The following TRHDE variants were observed in gnomAD, a reference collection of about 807,000 sequenced individuals.
The protein encoded by TRHDE is thyrotropin releasing hormone degrading enzyme.
TRHDE carries 72 observed loss-of-function variants against 125.7 expected under a neutral mutation model. The observed-to-expected ratio is 0.57, with a 90% confidence interval of 0.47 to 0.70. The LOEUF (loss-of-function observed/expected upper bound fraction) is 0.70. TRHDE is among the 30% of genes least tolerant of loss of function. The pLI, the probability that TRHDE is intolerant of heterozygous loss-of-function variation, is 0.00. For synonymous variants in TRHDE, 509 were observed against 509.1 expected (o/e 1.00, Z 0.00); for missense variants, 1,110 against 1,327.1 (o/e 0.84, Z 2.54).
chr12:72,328,552 G>T (rs1869443161), intron 2 of TRHDE, among the ~76,000 whole-genome samples: 1 of 151,932 alleles, frequency 6.6e-6, no homozygotes, highest in Non-Finnish European at 1.5e-5. Flanking sequence ...ATGATTGGGG[G>T]CCTTTGTGGG....
At chr12:72,553,849 CTTT>C (rs56187409) in intron 7 of TRHDE, among the ~76,000 whole-genome samples, 4 of 133,784 alleles carry the variant, frequency 3.0e-5, no homozygotes, top group African/African-American at 8.2e-5. Context: ...TCTTTTCCTT[CTTT>C]TTTTTTTTTT....
chr12:72,573,554 A>G (rs1169241111), intron 10 of TRHDE, among the ~76,000 whole-genome samples: 4 of 151,964 alleles, frequency 2.6e-5, no homozygotes, highest in African/African-American at 9.7e-5. Context: ...TCAGGTTACA[A>G]GTAAGGAAAT....
In TRHDE at chr12:72,309,379, A is replaced by G. The variant is rs572524676; in HGVS notation, c.1188+22425A>G. Reference sequence around the variant, plus strand: ...TTTGCATGTGTTATGTGCTGAATAGAAAAAGCAGTGGAAAGGGAGATTTTG... The same window carrying G: ...TTTGCATGTGTTATGTGCTGAATAGGAAAAGCAGTGGAAAGGGAGATTTTG... On this transcript the variant is annotated intron_variant, in intron 2 of 18. Transcript: ENST00000261180. Among the ~76,000 whole-genome samples the G allele has an allele frequency of 3.3e-4, 51 of 152,316 alleles. 1 individual carries two copies. Among genetic ancestry groups the G allele is most frequent in the Middle Eastern group, 3.4e-3 (1 of 294 alleles).
chr12:72,522,090 T>C (rs1399010938), intron 6 of TRHDE, among the ~76,000 whole-genome samples: 1 of 152,208 alleles, frequency 6.6e-6, no homozygotes, highest in African/African-American at 2.4e-5. Flanking sequence ...TTACTACTCT[T>C]TCCATCTCCA....
chr12:72,377,999 G>T lies in TRHDE; in HGVS notation c.1193G>T (p.Arg398Leu). 2 of 1,577,140 alleles carry T rather than the reference G, an allele frequency of 1.3e-6. No individual in the cohort carries two copies. Among genetic ancestry groups the T allele is most frequent in the Admixed American group, 1.9e-5 (1 of 51,538 alleles). The change falls in exon 3 of 19, where the codon CGA becomes CTA. Residue 398 changes from arginine (R) to leucine (L), a missense_variant. Transcript: ENST00000261180. ...TTTATATATATTTTTAATTAGGTAC[G>T]ATTATATGCAAGACCTGATGCTATC... Reference protein sequence around the residue: ...ETTTKSGVVVRLYARPDAIRR... With the variant: ...ETTTKSGVVVLLYARPDAIRR...
At position 72,670,201 on chromosome 12, in the gene TRHDE, A is replaced by G. The variant is rs748447028; in HGVS notation, c.*7006A>G. The stretch of plus-strand genomic sequence containing the variant: ...TTTTATGATTTAGGAATTAAAAAGT[A>G]GCTGTTCTTTCAGTAAATAAGTGTT... On this transcript the variant is annotated 3_prime_UTR_variant, in exon 19 of 19. Coordinates refer to ENST00000261180, the MANE Select transcript of TRHDE (RefSeq NM_013381.3). The G allele has an allele frequency of 2.0e-5, 3 of 151,856 alleles. No individual in the cohort carries two copies. The highest frequency in any genetic ancestry group is 4.4e-5 in the Non-Finnish European group (3 of 67,850). The allele number at this position is 151,856 out of a possible 1,614,324, so 9.4% of individuals were successfully genotyped here.
chr12:72,559,112 T>G (rs769750489), intron 7 of TRHDE, among the ~76,000 whole-genome samples: 4 of 152,216 alleles, frequency 2.6e-5, no homozygotes, highest in Non-Finnish European at 5.9e-5. Flanking sequence ...GGTTTTCATG[T>G]GCTGTGCTCT....
chr12:72,536,849 C>A (rs1425579501), intron 6 of TRHDE, among the ~76,000 whole-genome samples: 2 of 152,080 alleles, frequency 1.3e-5, no homozygotes, highest in African/African-American at 4.8e-5. Flanking sequence ...GGCATTTCAA[C>A]TATGTCCCAT....
chr12:72,456,019 A>G (rs1875825544), intron 3 of TRHDE, among the ~76,000 whole-genome samples: 1 of 151,510 alleles, frequency 6.6e-6, no homozygotes, highest in African/African-American at 2.4e-5. Context: ...ACACACATAT[A>G]TTTTGATTTC....
At chr12:72,341,579 T>C (rs1034467601) in intron 2 of TRHDE, among the ~76,000 whole-genome samples, 5 of 152,150 alleles carry the variant, frequency 3.3e-5, no homozygotes, top group Admixed American at 6.6e-5. Context: ...ATAGTGTTGT[T>C]ATCAGATGTT....
At chr12:72,471,474 T>C (rs1012829943) in intron 4 of TRHDE, among the ~76,000 whole-genome samples, 1 of 152,236 alleles carries the variant, frequency 6.6e-6, no homozygotes, top group African/African-American at 2.4e-5. Context: ...TGGATTTCAT[T>C]TGTTTCATAT....
At chr12:72,142,131 G>A (rs541505956) in intron 2 of TRHDE, among the ~76,000 whole-genome samples, 8 of 151,822 alleles carry the variant, frequency 5.3e-5, no homozygotes, top group East Asian at 3.9e-4. Flanking sequence ...TAAACACACC[G>A]TGCCTGCTCA....
At chr12:72,338,968 A>G (rs1869957371) in intron 2 of TRHDE, among the ~76,000 whole-genome samples, 1 of 152,202 alleles carries the variant, frequency 6.6e-6, no homozygotes, top group Admixed American at 6.6e-5. Context: ...AAGTAAACCA[A>G]TTCAGTTTAT....
Position 72,273,097 on chromosome 12 carries a change from T to A in TRHDE, c.454T>A (p.Trp152Arg). The change falls in exon 1 of 19, where the codon TGG (tryptophan) becomes AGG (arginine). Residue 152 changes from tryptophan to arginine, a missense_variant. Physicochemically the swap from Trp to Arg is moderately radical, Grantham distance 101. Transcript: ENST00000261180. The surrounding 1 kb of genome is among the most constrained non-coding windows in gnomAD (Gnocchi z 5.3). ...RRNHHAGGDS[W>R]QPEAGGVASP... ...CAACCACCACGCAGGCGGGGACTCC[T>A]GGCAGCCCGAGGCGGGTGGGGTGGC... 1 of 1,525,620 alleles carries A rather than the reference T, an allele frequency of 6.6e-7. No individual in the cohort carries two copies. Among genetic ancestry groups the A allele is most frequent in the Non-Finnish European group, 8.8e-7 (1 of 1,138,650 alleles). The allele number at this position is 1,525,620 out of a possible 1,614,324, so 94.5% of individuals were successfully genotyped here.
intron 5 of TRHDE, among the ~76,000 whole-genome samples, chr12:72,480,907 T>C (rs1306569618): frequency 6.6e-6 from 1 of 152,106 alleles, no homozygotes; most frequent in Admixed American, 6.6e-5. Flanking sequence ...ATAGTGGCCA[T>C]AGCATATTAG....
Position 72,574,562 on chromosome 12 carries a change from A to G in TRHDE, c.2132-693A>G, listed in dbSNP as rs577731680. Among the ~76,000 whole-genome samples, 3 of 152,212 alleles carry G rather than the reference A, an allele frequency of 2.0e-5. No homozygotes were observed. In the East Asian group the frequency reaches 5.8e-4, roughly 29 times the overall value. On this transcript the variant is annotated intron_variant, in intron 10 of 18. Transcript: ENST00000261180. Reference sequence around the variant, plus strand: ...TGTACTATTTTTGAAGGAGTTAAATATGTAAGAAGTTATAATATTGTTTTT... The same window carrying G: ...TGTACTATTTTTGAAGGAGTTAAATGTGTAAGAAGTTATAATATTGTTTTT...
At chr12:72,101,131 C>G (rs1046515056) in intron 1 of TRHDE, among the ~76,000 whole-genome samples, 5 of 152,158 alleles carry the variant, frequency 3.3e-5, no homozygotes, top group African/African-American at 9.7e-5. Flanking sequence ...ATCACAGCAT[C>G]TAGAAGCCTA....
intron 1 of TRHDE, among the ~76,000 whole-genome samples, chr12:72,089,980 G>T (rs903726113): frequency 6.6e-6 from 1 of 152,160 alleles, no homozygotes; most frequent in Admixed American, 6.6e-5. Flanking sequence ...ATTATGCTAA[G>T]TACTCCATTA....
chr12:72,517,153 C>A (rs1211645897), intron 6 of TRHDE, among the ~76,000 whole-genome samples: 1 of 151,502 alleles, frequency 6.6e-6, no homozygotes, highest in African/African-American at 2.4e-5. Context: ...ATGATGCTGG[C>A]CTCATAAAAT....
Sources: gnomAD v4.1 joint callset for allele counts (sites outside exome capture counted in the v4.1 genomes callset) on GRCh38, gnomAD v4.1.1 for gene constraint, Gnocchi (gnomAD v3.1) non-coding constraint, MANE v1.5 for transcripts, NCBI Gene and HGNC (gene_info 2026-07-23, HGNC 2026-07-21) for gene names.